Variants in PIK3R5 observed in about 807,000 individuals in gnomAD.
PIK3R5 encodes the protein phosphoinositide-3-kinase regulatory subunit 5, also known as phosphoinositide 3-kinase regulatory subunit 5.
In PIK3R5, 32 loss-of-function variants were observed where a neutral mutation model predicts 94.9. That is an observed-to-expected ratio of 0.34 (90% CI 0.25 to 0.45). PIK3R5 has a LOEUF of 0.45. Ranked by LOEUF, PIK3R5 falls within the 20% of genes least tolerant of loss-of-function variation. The pLI is 1.00. For missense variants in PIK3R5, 853 were observed against 1,144.6 expected, an observed-to-expected ratio of 0.75 and a Z score of 3.68; for synonymous variants, 443 against 479.4, an observed-to-expected ratio of 0.92 and a Z score of 0.99.
chr17:8,888,116 A>C lies in PIK3R5; in HGVS notation c.1616+55T>G, dbSNP rs996787791. ...TAAGCCTCAGGCCCCAGATTCCACCAGCACAACAACCCTGTTACCCAGGGC... is the reference window on the plus strand; with the variant it reads ...TAAGCCTCAGGCCCCAGATTCCACCCGCACAACAACCCTGTTACCCAGGGC... On this transcript the variant is annotated intron_variant, in intron 10 of 18. Coordinates refer to ENST00000447110, the MANE Select transcript of PIK3R5 (RefSeq NM_001142633.3). This position sits in a 1 kb window ranked among gnomAD's most constrained non-coding sequence, Gnocchi z 7.8. 13 of 1,573,736 alleles carry C rather than the reference A, an allele frequency of 8.3e-6. No homozygotes were observed. In the Middle Eastern group the frequency reaches 5.4e-4, roughly 66 times the overall value.
Position 8,920,887 on chromosome 17 carries a change from G to A in PIK3R5, c.-13-9380C>T, listed in dbSNP as rs9902443. 9.0e-3 allele frequency among the ~76,000 whole-genome samples: 1,337 copies of A among 148,892 alleles called. 26 individuals are homozygous for A. Among genetic ancestry groups the A allele is most frequent in the African/African-American group, 0.031 (1,266 of 40,242 alleles). Reference sequence around the variant, plus strand: ...ATGGAGTTTCGCTCTAGTTGCCCAGGCTGGAGTGCAATGGCGCAATCTTGG... The same window carrying A: ...ATGGAGTTTCGCTCTAGTTGCCCAGACTGGAGTGCAATGGCGCAATCTTGG... On this transcript the variant is annotated intron_variant, in intron 1 of 18. Coordinates refer to ENST00000447110, the MANE Select transcript of PIK3R5 (RefSeq NM_001142633.3).
intron 1 of PIK3R5, among the ~76,000 whole-genome samples, chr17:8,954,485 G>GTAAA (rs1389923369): frequency 6.6e-6 from 1 of 152,182 alleles, no homozygotes. Flanking sequence ...CCTCTGCCTT[G>GTAAA]TAAACACCGT....
At chr17:8,936,828 A>C (rs1229736832) in intron 1 of PIK3R5, among the ~76,000 whole-genome samples, 2 of 152,234 alleles carry the variant, frequency 1.3e-5, no homozygotes, top group Non-Finnish European at 2.9e-5. Context: ...GATTGCATCG[A>C]GTCTAGAGAT....
chr17:8,887,150 C>T lies in PIK3R5; in HGVS notation c.1851G>A (p.Trp617Ter). 3.1e-6 allele frequency: 5 copies of T among 1,613,998 alleles called. No individual in the cohort carries two copies. The highest frequency in any genetic ancestry group is 4.2e-6 in the Non-Finnish European group (5 of 1,180,020). The change falls in exon 12 of 19, where the codon TGG (tryptophan) becomes TGA (stop). Residue 617 changes from tryptophan (W) to a stop codon, truncating the protein, a stop_gained. Transcript: ENST00000447110. LOFTEE classifies it high-confidence loss of function. ...TGAGGCCCAGTACATTGCGCTCATA[C>T]CAGGGGTCCAGCATGCCGAGGTAGT... is the stretch of plus-strand genomic sequence containing the variant. ...ISHYLGMLDP[W>*]YERNVLGLMH...
chr17:8,937,195 A>G (rs1311967767), intron 1 of PIK3R5, among the ~76,000 whole-genome samples: 1 of 152,128 alleles, frequency 6.6e-6, no homozygotes, highest in African/African-American at 2.4e-5. Context: ...CAATCATGTT[A>G]TTTGGTGAAC....
rs752266065 is a variant in PIK3R5, at chr17:8,890,840, G to A, written c.555C>T (p.Pro185=). Residue 185 remains proline, a synonymous_variant, in exon 7 of 19, where the codon CCC becomes CCT. Transcript: ENST00000447110. This position sits in a 1 kb window ranked among gnomAD's most constrained non-coding sequence, Gnocchi z 6.1. ...TGTAGGCACTGTGAGGCGAGTGTCC[G>A]GGCGTACTCAGCTTATTGGCTACAG... ...FLAVANKLST[P]GHSPHSAYTT... 23 of 1,613,380 alleles carry A rather than the reference G, an allele frequency of 1.4e-5. No individual in the cohort carries two copies. In the South Asian group the frequency reaches 1.7e-4, roughly 12 times the overall value.
In PIK3R5 at chr17:8,884,865, C is replaced by T; in HGVS notation, c.2129-82G>A. On this transcript the variant is annotated intron_variant, in intron 14 of 18. Coordinates refer to ENST00000447110, the MANE Select transcript of PIK3R5 (RefSeq NM_001142633.3). The surrounding 1 kb of genome is among the most constrained non-coding windows in gnomAD (Gnocchi z 5.8). ...ACGCAGTGGCCTTGCCTCCCTGGGC[C>T]TTACCTCCCCATCCCCTACCACATG... is the stretch of plus-strand genomic sequence containing the variant. 8.9e-7 allele frequency: 1 copy of T among 1,125,910 alleles called. No individual in the cohort carries two copies. Among genetic ancestry groups the T allele is most frequent in the Non-Finnish European group, 1.3e-6 (1 of 749,346 alleles). 69.7% of individuals were successfully genotyped at this position (1,125,910 alleles called of 1,614,324 possible).
rs2090516593 is a variant in PIK3R5 at position 8,911,150 on chromosome 17, A to G, written c.103+242T>C. Among the ~76,000 whole-genome samples, 2 of 152,244 alleles carry G rather than the reference A, an allele frequency of 1.3e-5. No individual in the cohort carries two copies. The highest frequency in any genetic ancestry group is 4.1e-4 in the South Asian group (2 of 4,832). ...ATGGATTCTTCCAGAAGTAAAAGGC[A>G]GCCAGCCCTGAGTAGGATGAGGAAG... On this transcript the variant is annotated intron_variant, in intron 2 of 18. Transcript: ENST00000447110. This position sits in a 1 kb window ranked among gnomAD's most constrained non-coding sequence, Gnocchi z 5.3.
intron 1 of PIK3R5, among the ~76,000 whole-genome samples, chr17:8,929,926 G>A (rs1194124726): frequency 1.3e-5 from 2 of 152,144 alleles, no homozygotes; most frequent in African/African-American, 4.8e-5. Context: ...ATTCATTCAT[G>A]TAACCAAAAA....
At chr17:8,952,330 A>G (rs910527032) in intron 1 of PIK3R5, among the ~76,000 whole-genome samples, 1 of 152,244 alleles carries the variant, frequency 6.6e-6, no homozygotes, top group Non-Finnish European at 1.5e-5. Flanking sequence ...TTTTTCTGTT[A>G]CTATGCCATT....
chr17:8,898,550 G>T (rs570990455), intron 5 of PIK3R5, among the ~76,000 whole-genome samples: 48 of 152,236 alleles, frequency 3.2e-4, no homozygotes, highest in African/African-American at 9.9e-4. Flanking sequence ...TGTGACCTGG[G>T]GCAAGTTACA....
At chr17:8,934,660 G>A (rs1280304259) in intron 1 of PIK3R5, among the ~76,000 whole-genome samples, 3 of 152,172 alleles carry the variant, frequency 2.0e-5, no homozygotes, top group African/African-American at 7.2e-5. Flanking sequence ...TTCAAGATTT[G>A]CTCTAGGGCT....
Position 8,888,519 on chromosome 17 carries a change from C to G in PIK3R5, c.1268G>C (p.Arg423Thr). Residue 423 changes from arginine to threonine, a missense_variant, in exon 10 of 19, where the codon AGG becomes ACG. Physicochemically the swap from Arg to Thr is moderately conservative, Grantham distance 71 (BLOSUM62 -1). Transcript: ENST00000447110. The surrounding 1 kb of genome is among the most constrained non-coding windows in gnomAD (Gnocchi z 7.8). ...GGTGCTCTTGAAGAGTTTATAGATC[C>G]TGATGAACTTCTGCCCAGGCCTGCG... ...GHRRPGQKFI[R>T]IYKLFKSTSQ... The G allele has an allele frequency of 6.2e-7, 1 of 1,611,188 alleles. No individual in the cohort carries two copies. Among genetic ancestry groups the G allele is most frequent in the South Asian group, 1.1e-5 (1 of 90,810 alleles).
chr17:8,936,441 G>A (rs1193072350), intron 1 of PIK3R5, among the ~76,000 whole-genome samples: 4 of 152,156 alleles, frequency 2.6e-5, no homozygotes, highest in Non-Finnish European at 5.9e-5. Flanking sequence ...GCATCTGGTA[G>A]CCATTCTTCT....
In PIK3R5 at chr17:8,911,835, C is replaced by A. The variant is rs1212020532; in HGVS notation, c.-13-328G>T. 4.1e-5 allele frequency: 8 copies of A among 195,088 alleles called. No homozygotes were observed. The highest frequency in any genetic ancestry group is 7.3e-5 in the Non-Finnish European group (7 of 95,248). The allele number at this position is 195,088 out of a possible 1,614,324, so 12.1% of individuals were successfully genotyped here. A position where few individuals can be genotyped will look rare whatever the true frequency, so the allele number is the denominator to read the frequency against. ...GCCAAGTACCCAGGGAGTGGTCAGA[C>A]CCCAGTGGGCTGGGCAGGAAGATCC... On this transcript the variant is annotated intron_variant, in intron 1 of 18. Coordinates refer to ENST00000447110, the MANE Select transcript of PIK3R5 (RefSeq NM_001142633.3). This position sits in a 1 kb window ranked among gnomAD's most constrained non-coding sequence, Gnocchi z 5.3.
chr17:8,906,820 G>A (rs61759585), intron 3 of PIK3R5, among the ~76,000 whole-genome samples: 2,486 of 152,196 alleles, frequency 0.016, 67 homozygotes, highest in African/African-American at 0.057. Context: ...GAAATATTTA[G>A]TGCAACTAGA....
chr17:8,891,258 G>T (rs375359346), intron 6 of PIK3R5, among the ~76,000 whole-genome samples: 1 of 152,184 alleles, frequency 6.6e-6, no homozygotes, highest in South Asian at 2.1e-4. Flanking sequence ...CTCAAATGAG[G>T]ATCATATTTT....
intron 5 of PIK3R5, among the ~76,000 whole-genome samples, chr17:8,894,269 GC>G (rs2090096193): frequency 6.6e-6 from 1 of 152,222 alleles, no homozygotes; most frequent in Non-Finnish European, 1.5e-5. Flanking sequence ...CCAGGAGGCT[GC>G]CCCGTCTTGT....
Position 8,911,842 on chromosome 17 carries a change from G to A in PIK3R5, c.-13-335C>T. 1 of 187,700 alleles carries A rather than the reference G, an allele frequency of 5.3e-6. No individual in the cohort carries two copies. The highest frequency in any genetic ancestry group is 1.5e-4 in the South Asian group (1 of 6,772). The allele number at this position is 187,700 out of a possible 1,614,324, so 11.6% of individuals were successfully genotyped here. A position where few individuals can be genotyped will look rare whatever the true frequency, so the allele number is the denominator to read the frequency against. ...ACCCAGGGAGTGGTCAGACCCCAGT[G>A]GGCTGGGCAGGAAGATCCTGAGGGG... is the stretch of plus-strand genomic sequence containing the variant. On this transcript the variant is annotated intron_variant, in intron 1 of 18. Coordinates refer to ENST00000447110, the MANE Select transcript of PIK3R5 (RefSeq NM_001142633.3). The surrounding 1 kb of genome is among the most constrained non-coding windows in gnomAD (Gnocchi z 5.3).
Sources: gnomAD v4.1 joint callset for allele counts (sites outside exome capture counted in the v4.1 genomes callset) on GRCh38, gnomAD v4.1.1 for gene constraint, Gnocchi (gnomAD v3.1) non-coding constraint, MANE v1.5 for transcripts, NCBI Gene and HGNC (gene_info 2026-07-23, HGNC 2026-07-21) for gene names.